The following RCAN2 variants were observed in gnomAD, a reference collection of about 807,000 sequenced individuals.
The protein encoded by RCAN2 is calcipressin-2.
RCAN2 carries 9 observed loss-of-function variants against 23.6 expected under a neutral mutation model. The observed-to-expected ratio is 0.38, with a 90% confidence interval of 0.23 to 0.67. The LOEUF (loss-of-function observed/expected upper bound fraction) is 0.67, where lower values mean the gene tolerates loss of function less well. Ranked by LOEUF, RCAN2 falls within the 30% of genes least tolerant of loss-of-function variation. The pLI, the probability that RCAN2 is intolerant of heterozygous loss-of-function variation, is 0.51. For missense variants in RCAN2, 273 were observed against 302.3 expected, an observed-to-expected ratio of 0.90 and a Z score of 0.72; for synonymous variants, 109 against 115.7, an observed-to-expected ratio of 0.94 and a Z score of 0.37.
At chr6:46,263,505 GTGTGTGTA>G (rs1423834242) in intron 2 of RCAN2, among the ~76,000 whole-genome samples, 4 of 110,742 alleles carry the variant, frequency 3.6e-5, no homozygotes, top group South Asian at 3.0e-4. Context: ...ATGTGTGTAT[GTGTGTGTA>G]TGTGTGTATG....
In RCAN2 at chr6:46,367,145, C is replaced by A. The variant is rs115618069; in HGVS notation, c.225+89607G>T. 9.1e-3 allele frequency among the ~76,000 whole-genome samples: 1,345 copies of A among 148,554 alleles called. 23 individuals are homozygous for A. The highest frequency in any genetic ancestry group is 0.032 in the African/African-American group (1,282 of 40,592). On this transcript the variant is annotated intron_variant, in intron 2 of 4. Transcript: ENST00000371374. The stretch of plus-strand genomic sequence containing the variant: ...CTGTTTATAACACAAGGGGGTGTCC[C>A]AGTTGGAGAGAAGCTACCATCTCAA...
intron 1 of RCAN2, among the ~76,000 whole-genome samples, chr6:46,460,557 T>A (rs1768176889): frequency 6.7e-6 from 1 of 150,222 alleles, no homozygotes; most frequent in African/African-American, 2.4e-5. Flanking sequence ...CTGGGATGAA[T>A]GTGGTGTTCT....
chr6:46,463,147 T>C (rs901884894), intron 1 of RCAN2, among the ~76,000 whole-genome samples: 2 of 152,146 alleles, frequency 1.3e-5, no homozygotes, highest in Non-Finnish European at 2.9e-5. Context: ...CATGGCCAAT[T>C]CTGGGTACTG....
intron 2 of RCAN2, among the ~76,000 whole-genome samples, chr6:46,273,496 T>C (rs1423057044): frequency 1.3e-5 from 2 of 152,182 alleles, no homozygotes; most frequent in Admixed American, 1.3e-4. Flanking sequence ...ATTACCACTT[T>C]TCAGATGAAG....
At position 46,246,803 on chromosome 6, in the gene RCAN2, A is replaced by C. The variant is rs767592407; in HGVS notation, c.516T>G (p.Asp172Glu). The C allele has an allele frequency of 1.2e-6, 2 of 1,613,588 alleles. No homozygotes were observed. Among genetic ancestry groups the C allele is most frequent in the East Asian group, 4.5e-5 (2 of 44,808 alleles). Residue 172 changes from aspartate (D) to glutamate (E), a missense_variant, in exon 4 of 5, where the codon GAT (aspartate) becomes GAG (glutamate). By Grantham distance (45) the Asp-to-Glu change is conservative. Coordinates refer to ENST00000371374, the MANE Select transcript of RCAN2 (RefSeq NM_001251974.2). ...SPPVGWQPIN[D>E]ATPVLNYDLL... ...GGTCATAGTTGAGGACTGGCGTGGC[A>C]TCGTTGATGGGCTGCCAGCCAACAG...
chr6:46,413,922 C>G (rs1250129944), intron 2 of RCAN2, among the ~76,000 whole-genome samples: 1 of 152,142 alleles, frequency 6.6e-6, no homozygotes, highest in African/African-American at 2.4e-5. Context: ...CTTGAGTTTT[C>G]TTCTCTATTA....
chr6:46,278,914 C>T (rs1450011562), intron 2 of RCAN2, among the ~76,000 whole-genome samples: 1 of 152,176 alleles, frequency 6.6e-6, no homozygotes, highest in Non-Finnish European at 1.5e-5. Flanking sequence ...TAACTGCACA[C>T]CTTGATCTAA....
chr6:46,280,594 G>A (rs1229173264), intron 2 of RCAN2, among the ~76,000 whole-genome samples: 1 of 152,164 alleles, frequency 6.6e-6, no homozygotes, highest in Non-Finnish European at 1.5e-5. Flanking sequence ...AACTAAGAGG[G>A]CTTTCTCTCC....
At chr6:46,229,520 G>T (rs901533823) in intron 4 of RCAN2, among the ~76,000 whole-genome samples, 5 of 151,342 alleles carry the variant, frequency 3.3e-5, no homozygotes, top group African/African-American at 4.9e-5. Flanking sequence ...TCATTCATTT[G>T]ATCTTCAATC....
intron 2 of RCAN2, among the ~76,000 whole-genome samples, chr6:46,401,050 C>T (rs1766233830): frequency 6.6e-6 from 1 of 152,164 alleles, no homozygotes; most frequent in Non-Finnish European, 1.5e-5. Flanking sequence ...CTAAGAACCA[C>T]CAGCCTAGTA....
intron 2 of RCAN2, among the ~76,000 whole-genome samples, chr6:46,394,895 T>C (rs761228337): frequency 6.6e-6 from 1 of 152,140 alleles, no homozygotes; most frequent in Non-Finnish European, 1.5e-5. Flanking sequence ...GAATCTTATA[T>C]TTTGAAGGAA....
chr6:46,227,181 C>T (rs977995701), intron 4 of RCAN2, among the ~76,000 whole-genome samples: 4 of 152,100 alleles, frequency 2.6e-5, no homozygotes, highest in Non-Finnish European at 5.9e-5. Flanking sequence ...CTGCTGGATT[C>T]GGTTTGCCAC....
chr6:46,487,226 T>G (rs576348629), intron 1 of RCAN2, among the ~76,000 whole-genome samples: 15 of 152,352 alleles, frequency 9.8e-5, no homozygotes, highest in East Asian at 7.7e-4. Context: ...AAAAGAAGAA[T>G]TGAAAACTCT....
chr6:46,338,166 C>T (rs906762926), intron 2 of RCAN2, among the ~76,000 whole-genome samples: 1 of 152,160 alleles, frequency 6.6e-6, no homozygotes, highest in Non-Finnish European at 1.5e-5. Context: ...GCAGGTGGCT[C>T]TTACAGAGTT....
chr6:46,467,349 AG>A (rs1768415942), intron 1 of RCAN2, among the ~76,000 whole-genome samples: 1 of 152,060 alleles, frequency 6.6e-6, no homozygotes, highest in Admixed American at 6.5e-5. Flanking sequence ...TCAACTGTAA[AG>A]ATGACAGGAG....
intron 2 of RCAN2, among the ~76,000 whole-genome samples, chr6:46,376,868 C>T (rs1765481527): frequency 1.3e-5 from 2 of 151,442 alleles, no homozygotes; most frequent in Non-Finnish European, 2.9e-5. Flanking sequence ...CCCCGCCCCG[C>T]ACCCCCTCCC....
intron 2 of RCAN2, among the ~76,000 whole-genome samples, chr6:46,302,821 C>T (rs571576077): frequency 6.6e-6 from 1 of 152,060 alleles, no homozygotes; most frequent in Admixed American, 6.5e-5. Flanking sequence ...TTAGTGCTTA[C>T]AACAAAAATT....
intron 1 of RCAN2, among the ~76,000 whole-genome samples, chr6:46,457,297 C>T (rs1269695062): frequency 6.6e-6 from 1 of 152,154 alleles, no homozygotes; most frequent in Non-Finnish European, 1.5e-5. Context: ...GAGTTCCAGG[C>T]ACTATTCTAA....
chr6:46,355,487 G>T, intron 2 of RCAN2, among the ~76,000 whole-genome samples: 1 of 152,166 alleles, frequency 6.6e-6, no homozygotes. Flanking sequence ...TATAAGTTAA[G>T]ATGTTTGTGA....
Sources: gnomAD v4.1 joint callset for allele counts (sites outside exome capture counted in the v4.1 genomes callset) on GRCh38, gnomAD v4.1.1 for gene constraint, MANE v1.5 for transcripts, NCBI Gene and HGNC (gene_info 2026-07-23, HGNC 2026-07-21) for gene names.